Variants in FBP1 observed in about 807,000 individuals in gnomAD.
The protein encoded by FBP1 is fructose-1,6-bisphosphatase 1.
In FBP1, 22 loss-of-function variants were observed where a neutral mutation model predicts 29.9. The observed-to-expected ratio is 0.74, with a 90% CI of 0.53 to 1.05. The LOEUF is 1.05. Among genes scored for constraint, FBP1 ranks in the 50% least tolerant of loss-of-function variants. The pLI is 0.00. For synonymous variants in FBP1, 175 were observed against 178.6 expected (o/e 0.98, Z 0.16); for missense variants, 345 against 448.2 (o/e 0.77, Z 2.08).
intron 3 of FBP1, among the ~76,000 whole-genome samples, chr9:94,613,469 C>T (rs2082269503): frequency 6.6e-6 from 1 of 152,192 alleles, no homozygotes; most frequent in Non-Finnish European, 1.5e-5. Flanking sequence ...ATGTCTCCAG[C>T]CAGACACTGG....
At chr9:94,634,662 A>C (rs989917166) in intron 1 of FBP1, among the ~76,000 whole-genome samples, 4 of 152,164 alleles carry the variant, frequency 2.6e-5, no homozygotes, top group Non-Finnish European at 5.9e-5. Context: ...CTCTCCCAAG[A>C]GTGGATGGAG....
At chr9:94,617,992 C>A in intron 2 of FBP1, 132 bp from the exon 3 acceptor site, 1 of 704,254 alleles carries the variant, frequency 1.4e-6, no homozygotes, top group Non-Finnish European at 2.5e-6. Context: ...TTTGTACTGT[C>A]ATGGAAGGCA....
At chr9:94,638,656 C>G (rs1206117321) in intron 1 of FBP1, among the ~76,000 whole-genome samples, 1 of 152,072 alleles carries the variant, frequency 6.6e-6, no homozygotes, top group African/African-American at 2.4e-5. Context: ...TCGCTCCTAA[C>G]AGGTCTTGTT....
intron 2 of FBP1, among the ~76,000 whole-genome samples, chr9:94,619,364 C>G (rs986308835): frequency 6.6e-6 from 1 of 152,134 alleles, no homozygotes; most frequent in African/African-American, 2.4e-5. Context: ...CCCAGTTCCT[C>G]TCAAACTGGG....
At chr9:94,625,518 G>A (rs1490592157) in intron 1 of FBP1, among the ~76,000 whole-genome samples, 1 of 152,106 alleles carries the variant, frequency 6.6e-6, no homozygotes, top group Non-Finnish European at 1.5e-5. Flanking sequence ...GGCTGGGGCC[G>A]GGCACAGTGG....
At chr9:94,628,456 C>T (rs2131498441) in intron 1 of FBP1, among the ~76,000 whole-genome samples, 1 of 151,812 alleles carries the variant, frequency 6.6e-6, no homozygotes, top group African/African-American at 2.4e-5. Flanking sequence ...CTGTATTGGG[C>T]CTAAGAGGAG....
chr9:94,616,683 C>T (rs924506496), intron 3 of FBP1, among the ~76,000 whole-genome samples: 4 of 152,002 alleles, frequency 2.6e-5, no homozygotes, highest in Admixed American at 1.3e-4. Flanking sequence ...CCACCCACCT[C>T]GGCCTCCCAA....
intron 5 of FBP1, among the ~76,000 whole-genome samples, 189 bp from the exon 6 acceptor site, chr9:94,605,765 C>T (rs1012405873): frequency 1.3e-5 from 2 of 152,042 alleles, no homozygotes; most frequent in Non-Finnish European, 2.9e-5. Context: ...ATGGAGACAG[C>T]CTCTCATCAT....
intron 1 of FBP1, among the ~76,000 whole-genome samples, chr9:94,622,707 A>G (rs1197286916): frequency 1.3e-5 from 2 of 151,954 alleles, no homozygotes; most frequent in Non-Finnish European, 2.9e-5. Context: ...CATCACTCCT[A>G]TTTCATGAGT....
At chr9:94,607,333 A>C (rs1827716547) in intron 4 of FBP1, among the ~76,000 whole-genome samples, 1 of 152,192 alleles carries the variant, frequency 6.6e-6, no homozygotes. Flanking sequence ...AACAGAAAAA[A>C]GGGTTGGTTC....
chr9:94,640,182 G>T (rs1828265007), upstream of FBP1: 1 of 152,224 alleles, frequency 6.6e-6, no homozygotes, highest in South Asian at 2.1e-4. Flanking sequence ...CTGACACAGA[G>T]TCCTCGGCTA....
chr9:94,638,083 T>C (rs1400511900), intron 1 of FBP1, among the ~76,000 whole-genome samples: 20 of 47,366 alleles, frequency 4.2e-4, no homozygotes, highest in Admixed American at 4.0e-3. Flanking sequence ...CAAAATTCCA[T>C]CTCAAAAAAA....
At position 94,634,032 on chromosome 9, in the gene FBP1, G is replaced by C. The variant is rs1305040161; in HGVS notation, c.170+5109C>G. On this transcript the variant is annotated intron_variant, in intron 1 of 6. Transcript: ENST00000375326. Reference sequence around the variant, plus strand: ...TTTCAGACCGGGCGCAGTGGCTCACGCCTGTAATCCCAGGACTTTGGGAGG... The same window carrying C: ...TTTCAGACCGGGCGCAGTGGCTCACCCCTGTAATCCCAGGACTTTGGGAGG... 2.0e-5 allele frequency among the ~76,000 whole-genome samples: 3 copies of C among 150,372 alleles called. No individual in the cohort carries two copies. The East Asian group carries it at 6.2e-4, about 31-fold the overall frequency.
At chr9:94,616,204 C>T (rs1423238130) in intron 3 of FBP1, among the ~76,000 whole-genome samples, 1 of 152,062 alleles carries the variant, frequency 6.6e-6, no homozygotes, top group Non-Finnish European at 1.5e-5. Context: ...CAGTCGATTC[C>T]AGCCTGTGAG....
chr9:94,617,841 A>T lies in FBP1; in HGVS notation c.353T>A (p.Phe118Tyr), dbSNP rs766641257. ...GTTGGAAGATCCATCAAGGGGATCA[A>T]AACAGACCACATATTTACCCTGAGC... is the stretch of plus-strand genomic sequence containing the variant. ...PEKRGKYVVC[F>Y]DPLDGSSNID... Residue 118 changes from phenylalanine (F) to tyrosine (Y), a missense_variant, in exon 3 of 7, where the codon TTT becomes TAT. Phe to Tyr is a conservative substitution (Grantham distance 22, BLOSUM62 3). Coordinates refer to ENST00000375326, the MANE Select transcript of FBP1 (RefSeq NM_000507.4). 1.9e-6 allele frequency: 3 copies of T among 1,613,628 alleles called. No individual in the cohort carries two copies. Among genetic ancestry groups the T allele is most frequent in the Non-Finnish European group, 2.5e-6 (3 of 1,179,536 alleles).
At chr9:94,631,749 G>C (rs1828107376) in intron 1 of FBP1, among the ~76,000 whole-genome samples, 1 of 152,180 alleles carries the variant, frequency 6.6e-6, no homozygotes, top group South Asian at 2.1e-4. Flanking sequence ...AAAAGGGAGG[G>C]AGATTATTAC....
At chr9:94,609,814 A>G (rs1827755329) in intron 4 of FBP1, 107 bp downstream of exon 4, 1 of 1,249,240 alleles carries the variant, frequency 8.0e-7, no homozygotes, top group East Asian at 2.3e-5. Context: ...CTGTCCCTCC[A>G]TGGGCATCAC....
intron 6 of FBP1, among the ~76,000 whole-genome samples, chr9:94,604,239 C>A (rs1179977120): frequency 6.7e-5 from 10 of 149,734 alleles, no homozygotes; most frequent in African/African-American, 4.9e-5. Context: ...TTTGAAAAAC[C>A]AAAAAAAAAA....
intron 1 of FBP1, among the ~76,000 whole-genome samples, chr9:94,627,690 G>A (rs1004600311): frequency 3.9e-5 from 6 of 152,190 alleles, no homozygotes; most frequent in South Asian, 2.1e-4. Flanking sequence ...ACTACCCTCC[G>A]TGGGACTCGA....
Sources: gnomAD v4.1 joint callset for allele counts (sites outside exome capture counted in the v4.1 genomes callset) on GRCh38, gnomAD v4.1.1 for gene constraint, MANE v1.5 for transcripts, NCBI Gene and HGNC (gene_info 2026-07-23, HGNC 2026-07-21) for gene names.